CCNI: variants seen among roughly 807,000 people sequenced by gnomAD.
The protein encoded by CCNI is cyclin-I.
In CCNI, 14 loss-of-function variants were observed where a neutral mutation model predicts 34.1. The observed-to-expected ratio is 0.41, with a 90% CI of 0.27 to 0.64. The LOEUF (loss-of-function observed/expected upper bound fraction) is 0.64, where lower values mean the gene tolerates loss of function less well. CCNI is among the 30% of genes least tolerant of loss of function. CCNI has a pLI of 0.31. For synonymous variants in CCNI, 154 were observed against 158.4 expected (o/e 0.97, Z 0.21); for missense variants, 385 against 440.5 (o/e 0.87, Z 1.13).
At chr4:77,063,759 T>C (rs543196677) in intron 2 of CCNI, among the ~76,000 whole-genome samples, 2 of 151,662 alleles carry the variant, frequency 1.3e-5, no homozygotes, top group South Asian at 4.2e-4. Context: ...CAAGCCCCTA[T>C]AGCCTTTTAC....
chr4:77,074,874 G>A (rs865818766), intron 1 of CCNI: 1 of 152,118 alleles, frequency 6.6e-6, no homozygotes, highest in Admixed American at 6.5e-5. Flanking sequence ...AGCTCCAGCG[G>A]AGGCTCCTCT....
At chr4:77,061,934 G>A (rs893689743) in intron 2 of CCNI, among the ~76,000 whole-genome samples, 1 of 152,138 alleles carries the variant, frequency 6.6e-6, no homozygotes, top group Non-Finnish European at 1.5e-5. Context: ...CTCCCAAAGT[G>A]TTGAGATTAC....
chr4:77,048,121 TA>T lies in CCNI; in HGVS notation c.*97del. The T allele has an allele frequency of 1.2e-6, 1 of 822,076 alleles. No individual in the cohort carries two copies. The highest frequency in any genetic ancestry group is 1.9e-6 in the Non-Finnish European group (1 of 519,154). The allele number at this position is 822,076 out of a possible 1,614,324, so 50.9% of individuals were successfully genotyped here. A position where few individuals can be genotyped will look rare whatever the true frequency, so the allele number is the denominator to read the frequency against. On this transcript the variant is annotated 3_prime_UTR_variant, in exon 7 of 7. Coordinates refer to ENST00000237654, the MANE Select transcript of CCNI (RefSeq NM_006835.3). ...TCTGGCTCACTCCAAATCAGCCTGT[TA>T]AGGTATATTTCCTTCTACAGCCTTT...
rs4252763 is a variant in CCNI at position 77,075,554 on chromosome 4, G to T, written c.-126C>A. ...GTGACGCGGGGTCATCCGGGGGCCCGTTACCACCTCATTCTCATAGGCGCG... is the reference window on the plus strand; with the variant it reads ...GTGACGCGGGGTCATCCGGGGGCCCTTTACCACCTCATTCTCATAGGCGCG... On this transcript the variant is annotated 5_prime_UTR_variant, in exon 1 of 7. Transcript: ENST00000237654. 849 of 988,658 alleles carry T rather than the reference G, an allele frequency of 8.6e-4. 4 individuals carry two copies. The African/African-American group carries it at 0.013, about 16-fold the overall frequency. The allele number at this position is 988,658 out of a possible 1,614,324, so 61.2% of individuals were successfully genotyped here.
intron 1 of CCNI, 64 bp downstream of exon 1, chr4:77,075,408 C>T (rs1048463976): frequency 2.8e-4 from 193 of 683,514 alleles, no homozygotes; most frequent in Non-Finnish European, 3.4e-4. Flanking sequence ...AGCAGCGGGG[C>T]CCCAGCGCGT....
chr4:77,067,146 C>A (rs1353453135), intron 1 of CCNI, among the ~76,000 whole-genome samples: 1 of 151,928 alleles, frequency 6.6e-6, no homozygotes, highest in East Asian at 1.9e-4. Flanking sequence ...GCAGGAGAAT[C>A]GTTTGAACCA....
chr4:77,048,086 A>ATTT lies in CCNI; in HGVS notation c.*130_*132dup. ...TAGCCACACAAATAATGAGAGTTTTATTTTTTTTTTCTGGCTCACTCCAAA... is the reference window on the plus strand; with the variant it reads ...TAGCCACACAAATAATGAGAGTTTTATTTTTTTTTTTTTCTGGCTCACTCCAAA... On this transcript the variant is annotated 3_prime_UTR_variant, in exon 7 of 7. Coordinates refer to ENST00000237654, the MANE Select transcript of CCNI (RefSeq NM_006835.3). 5 of 522,140 alleles carry ATTT rather than the reference A, an allele frequency of 9.6e-6. No homozygotes were observed. Among genetic ancestry groups the ATTT allele is most frequent in the South Asian group, 6.2e-5 (2 of 32,232 alleles). The allele number at this position is 522,140 out of a possible 1,614,324, so 32.3% of individuals were successfully genotyped here.
In CCNI at chr4:77,048,380, C is replaced by T; in HGVS notation, c.973G>A (p.Val325Ile). ...AAGTCATCCACTTCCATTTCCTCTA[C>T]TTTGCGTTTAGTAGAGGTCTGCTTG... is the stretch of plus-strand genomic sequence containing the variant. ...GCKQTSTKRK[V>I]EEMEVDDFYD... The change falls in exon 7 of 7, where the codon GTA (valine) becomes ATA (isoleucine). Residue 325 changes from valine to isoleucine, a missense_variant. Around this residue, in one of 2 missense-constraint regions of CCNI, gnomAD observed 250 missense variants for 248.7 expected, o/e 1.01. Coordinates refer to ENST00000237654, the MANE Select transcript of CCNI (RefSeq NM_006835.3). 6.2e-7 allele frequency: 1 copy of T among 1,613,956 alleles called. No homozygotes were observed. The highest frequency in any genetic ancestry group is 8.5e-7 in the Non-Finnish European group (1 of 1,179,960).
At chr4:77,071,138 T>C (rs1729438804) in intron 1 of CCNI, among the ~76,000 whole-genome samples, 1 of 152,206 alleles carries the variant, frequency 6.6e-6, no homozygotes, top group South Asian at 2.1e-4. Flanking sequence ...ACACATAAAG[T>C]AGAATCATGT....
intron 1 of CCNI, among the ~76,000 whole-genome samples, chr4:77,073,761 A>G (rs1253722507): frequency 6.6e-6 from 1 of 152,232 alleles, no homozygotes; most frequent in East Asian, 1.9e-4. Flanking sequence ...GTACTTGGAC[A>G]TAATTCTACC....
chr4:77,051,683 C>T lies in CCNI; in HGVS notation c.691-3021G>A, dbSNP rs4252926. Among the ~76,000 whole-genome samples the T allele has an allele frequency of 2.8e-3, 425 of 152,188 alleles. 4 individuals carry two copies. The highest frequency in any genetic ancestry group is 9.8e-3 in the African/African-American group (407 of 41,518). On this transcript the variant is annotated intron_variant, in intron 6 of 6. Transcript: ENST00000237654. ...CCTTCTTGAGATCCAGTGGAAGAAA[C>T]AAAACAAGCACATATACTGGAACTA...
chr4:77,054,785 T>C lies in CCNI; in HGVS notation c.690+365A>G. On this transcript the variant is annotated intron_variant, in intron 6 of 6. Coordinates refer to ENST00000237654, the MANE Select transcript of CCNI (RefSeq NM_006835.3). ...CTAAAAAGCAACTTATTCTAATTTT[T>C]GTTCCTGACATCCGTTATAAAATGA... 1.3e-5 allele frequency among the ~76,000 whole-genome samples: 2 copies of C among 152,224 alleles called. 1 individual carries two copies. Among genetic ancestry groups the C allele is most frequent in the Non-Finnish European group, 2.9e-5 (2 of 68,022 alleles).
intron 1 of CCNI, among the ~76,000 whole-genome samples, chr4:77,072,883 T>C (rs1399531248): frequency 2.0e-5 from 3 of 152,176 alleles, no homozygotes; most frequent in African/African-American, 4.8e-5. Flanking sequence ...AGGGTCATAA[T>C]GTATGTTCCA....
chr4:77,062,321 C>T lies in CCNI; in HGVS notation c.115-3686G>A, dbSNP rs11943861. 5.9e-3 allele frequency among the ~76,000 whole-genome samples: 895 copies of T among 152,266 alleles called. 9 individuals carry two copies. Among genetic ancestry groups the T allele is most frequent in the African/African-American group, 0.02 (841 of 41,546 alleles). Reference sequence around the variant, plus strand: ...ATGGCTCACAATTGTAATCCCAGTACTGTAGGGGGCCAAGGCAGGAAAACT... The same window carrying T: ...ATGGCTCACAATTGTAATCCCAGTATTGTAGGGGGCCAAGGCAGGAAAACT... On this transcript the variant is annotated intron_variant, in intron 2 of 6. Coordinates refer to ENST00000237654, the MANE Select transcript of CCNI (RefSeq NM_006835.3).
intron 2 of CCNI, among the ~76,000 whole-genome samples, chr4:77,061,835 A>G (rs1363952203): frequency 6.6e-6 from 1 of 152,052 alleles, no homozygotes; most frequent in Non-Finnish European, 1.5e-5. Flanking sequence ...ACACCCAGCT[A>G]ATTTTTTGTA....
At chr4:77,071,157 G>A (rs965701339) in intron 1 of CCNI, among the ~76,000 whole-genome samples, 1 of 152,170 alleles carries the variant, frequency 6.6e-6, no homozygotes, top group African/African-American at 2.4e-5. Context: ...GTAAAAAGAA[G>A]TAAATCAGGT....
intron 2 of CCNI, among the ~76,000 whole-genome samples, chr4:77,060,952 TCTCA>T (rs1444176397): frequency 7.9e-5 from 12 of 151,998 alleles, no homozygotes; most frequent in Middle Eastern, 6.9e-3. Context: ...AGAGACGAGG[TCTCA>T]CTATGTTACC....
chr4:77,059,650 T>C (rs894295104), intron 2 of CCNI, among the ~76,000 whole-genome samples: 2 of 152,122 alleles, frequency 1.3e-5, no homozygotes, highest in African/African-American at 2.4e-5. Flanking sequence ...TCTGTTATCA[T>C]AGTTCATTTG....
intron 2 of CCNI, among the ~76,000 whole-genome samples, chr4:77,062,561 G>GAA (rs1004220583): frequency 1.4e-4 from 19 of 136,634 alleles, no homozygotes; most frequent in African/African-American, 4.7e-4. Flanking sequence ...CCCTGTCTCA[G>GAA]AAAAAAAAAA....
Sources: allele counts gnomAD v4.1 joint callset (sites outside exome capture counted in the v4.1 genomes callset), GRCh38; gene constraint gnomAD v4.1.1; regional missense constraint gnomAD v4.1.1; transcripts MANE v1.5; gene names NCBI Gene and HGNC (gene_info 2026-07-23, HGNC 2026-07-21).